Variants in SPATA13 observed in about 807,000 individuals in gnomAD.
SPATA13 encodes spermatogenesis-associated protein 13.
Under a neutral mutation model 104.0 loss-of-function variants are expected in SPATA13, and 50 were observed. The observed-to-expected ratio is 0.48, with a 90% CI of 0.38 to 0.61. The LOEUF (loss-of-function observed/expected upper bound fraction) is 0.61. Among genes scored for constraint, SPATA13 ranks in the 20% least tolerant of loss-of-function variants. SPATA13 has a pLI of 0.00. For synonymous variants in SPATA13, 606 were observed against 667.5 expected (o/e 0.91, Z 1.42); for missense variants, 1,524 against 1,690.6 (o/e 0.90, Z 1.73).
chr13:24,218,629 C>G (rs776746103), intron 1 of SPATA13, among the ~76,000 whole-genome samples: 1 of 151,984 alleles, frequency 6.6e-6, no homozygotes, highest in Non-Finnish European at 1.5e-5. Context: ...ACCAGTGGGC[C>G]GCAGGCTGCA....
At chr13:24,113,238 A>G (rs17080078) in intron 3 of SPATA13, among the ~76,000 whole-genome samples, 6 of 152,230 alleles carry the variant, frequency 3.9e-5, no homozygotes, top group Non-Finnish European at 7.3e-5. Context: ...TTAATATCCT[A>G]GGCAAAAGTT....
chr13:24,051,497 C>G lies in SPATA13; in HGVS notation c.-112+33796C>G, dbSNP rs950527001. Among the ~76,000 whole-genome samples the G allele has an allele frequency of 6.6e-6, 1 of 152,194 alleles. No individual in the cohort carries two copies. The highest frequency in any genetic ancestry group is 1.5e-5 in the Non-Finnish European group (1 of 68,040). ...CCTGGGCGATGGCACTTGGGACATA[C>G]TCATGCACACCCAACCCTTAGGGGA... is the stretch of plus-strand genomic sequence containing the variant. On this transcript the variant is annotated intron_variant, in intron 3 of 14. Coordinates refer to the SPATA13 transcript ENST00000424834. This position sits in a 1 kb window ranked among gnomAD's most constrained non-coding sequence, Gnocchi z 4.2.
chr13:24,101,156 C>A (rs1017557534), intron 3 of SPATA13, among the ~76,000 whole-genome samples: 1 of 152,196 alleles, frequency 6.6e-6, no homozygotes, highest in Admixed American at 6.5e-5. Context: ...CCTGATGGCC[C>A]TGGCCCCTGT....
In SPATA13 at chr13:24,240,374, G is replaced by A. The variant is rs1226353701; in HGVS notation, c.1654-9103G>A. ...AGGATGGTCTGGATGTTTTTCTTGA[G>A]CCTAGAAAACGGAACCCCCTTGAAC... On this transcript the variant is annotated intron_variant, in intron 2 of 12. Transcript: ENST00000382108. Among the ~76,000 whole-genome samples, 4 of 152,058 alleles carry A rather than the reference G, an allele frequency of 2.6e-5. No individual in the cohort carries two copies. In the East Asian group the frequency reaches 7.7e-4, roughly 29 times the overall value.
At chr13:24,138,544 T>C (rs1881648658) in intron 3 of SPATA13, among the ~76,000 whole-genome samples, 1 of 152,170 alleles carries the variant, frequency 6.6e-6, no homozygotes, top group Non-Finnish European at 1.5e-5. Context: ...CTTATGTTAA[T>C]TTAATAGTTA....
rs2137826728 is a variant in SPATA13 at position 24,123,279 on chromosome 13, T to A, written c.-111-99540T>A. The A allele has an allele frequency of 3.1e-6, 5 of 1,589,788 alleles. No homozygotes were observed. The South Asian group carries it at 5.5e-5, about 18-fold the overall frequency. On this transcript the variant is annotated intron_variant, in intron 3 of 14. Coordinates refer to the SPATA13 transcript ENST00000424834. ...CACTTTCACAGGCATTTCTCTATCA[T>A]CAATCAGACATCTTCTTGTCAGCTC... is the stretch of plus-strand genomic sequence containing the variant.
chr13:24,142,604 T>G (rs1460057630), intron 3 of SPATA13, among the ~76,000 whole-genome samples: 2 of 152,154 alleles, frequency 1.3e-5, no homozygotes, highest in Non-Finnish European at 2.9e-5. Flanking sequence ...TATTGGAGCT[T>G]TTCTTTAAGA....
At chr13:24,053,755 C>T (rs908073992) in intron 3 of SPATA13, among the ~76,000 whole-genome samples, 5 of 152,188 alleles carry the variant, frequency 3.3e-5, no homozygotes, top group African/African-American at 1.2e-4. Flanking sequence ...GTCTCAGCCA[C>T]TGAGACTCAG....
In SPATA13 at chr13:24,286,406, T is replaced by C. The variant is rs780494087; in HGVS notation, c.2481+13T>C. The stretch of plus-strand genomic sequence containing the variant: ...GAGCTTCGTCAGAGTAAGTGTGGGG[T>C]GCTTGCAGCTTTTCCAAAGTACCTG... On this transcript the variant is annotated intron_variant, in intron 6 of 12. Coordinates refer to ENST00000382108, the MANE Select transcript of SPATA13 (RefSeq NM_001166271.3). The surrounding 1 kb of genome is among the most constrained non-coding windows in gnomAD (Gnocchi z 4.9). 4.4e-6 allele frequency: 7 copies of C among 1,606,706 alleles called. No individual in the cohort carries two copies. The South Asian group carries it at 7.7e-5, about 18-fold the overall frequency.
intron 2 of SPATA13, among the ~76,000 whole-genome samples, chr13:24,010,110 G>T (rs1876403024): frequency 6.6e-6 from 1 of 152,172 alleles, no homozygotes. Flanking sequence ...GAAGTGGGGA[G>T]GGGGCTTCCA....
At chr13:24,231,342 G>C (rs1338653156) in intron 2 of SPATA13, among the ~76,000 whole-genome samples, 1 of 152,130 alleles carries the variant, frequency 6.6e-6, no homozygotes, top group Non-Finnish European at 1.5e-5. Context: ...CATAGAAATG[G>C]AATCCTGTAA....
chr13:24,206,454 A>G (rs144473173), intron 1 of SPATA13, among the ~76,000 whole-genome samples: 4,381 of 152,352 alleles, frequency 0.029, 210 homozygotes, highest in African/African-American at 0.099. Context: ...ATGCTTTTAC[A>G]CTGTTGGTGG....
chr13:24,113,493 G>C (rs1593337970), intron 3 of SPATA13, among the ~76,000 whole-genome samples: 1 of 151,932 alleles, frequency 6.6e-6, no homozygotes, highest in Non-Finnish European at 1.5e-5. Context: ...AGTCCCAGCT[G>C]CTCGGGAGGC....
chr13:24,283,084 T>G (rs1441144487), intron 4 of SPATA13, among the ~76,000 whole-genome samples: 1 of 152,208 alleles, frequency 6.6e-6, no homozygotes, highest in East Asian at 1.9e-4. Context: ...GTGGAGCATG[T>G]GCTTCGAATC....
intron 3 of SPATA13, among the ~76,000 whole-genome samples, chr13:24,129,372 GA>G (rs1232743084): frequency 6.6e-6 from 1 of 152,166 alleles, no homozygotes; most frequent in African/African-American, 2.4e-5. Context: ...TTTCAGGATG[GA>G]AAAAAATTGC....
chr13:24,127,667 A>G lies in SPATA13; in HGVS notation c.-111-95152A>G, dbSNP rs182340540. On this transcript the variant is annotated intron_variant, in intron 3 of 14. Transcript: ENST00000424834. Reference sequence around the variant, plus strand: ...AGAACAGGCATTTTTGTTTTCTCACAAAGCATTGGTAAATCTCCATACAGA... The same window carrying G: ...AGAACAGGCATTTTTGTTTTCTCACGAAGCATTGGTAAATCTCCATACAGA... Among the ~76,000 whole-genome samples, 13 of 152,348 alleles carry G rather than the reference A, an allele frequency of 8.5e-5. 1 individual carries two copies. Among genetic ancestry groups the G allele is most frequent in the Admixed American group, 2.6e-4 (4 of 15,310 alleles).
At chr13:23,985,824 G>A (rs1028893575) in intron 2 of SPATA13, among the ~76,000 whole-genome samples, 2 of 152,210 alleles carry the variant, frequency 1.3e-5, no homozygotes, top group East Asian at 3.9e-4. Context: ...GGAGAAAAGT[G>A]CTGGTCACAA....
At chr13:24,086,825 G>A (rs1388268124) in intron 3 of SPATA13, among the ~76,000 whole-genome samples, 2 of 152,126 alleles carry the variant, frequency 1.3e-5, no homozygotes, top group Non-Finnish European at 2.9e-5. Context: ...GGTAGTGGCA[G>A]CAGCTGAAGC....
At chr13:24,185,885 C>A (rs1214949835) in intron 1 of SPATA13, among the ~76,000 whole-genome samples, 1 of 151,926 alleles carries the variant, frequency 6.6e-6, no homozygotes, top group Non-Finnish European at 1.5e-5. Context: ...TCAAAATAAG[C>A]AGGGTAGGTC....
Sources: allele counts gnomAD v4.1 joint callset (sites outside exome capture counted in the v4.1 genomes callset), GRCh38; gene constraint gnomAD v4.1.1; non-coding constraint Gnocchi (gnomAD v3.1); transcripts MANE v1.5; gene names NCBI Gene and HGNC (gene_info 2026-07-23, HGNC 2026-07-21).